The following CEP41 variants were observed in gnomAD, a reference collection of about 807,000 sequenced individuals.
CEP41 encodes the protein centrosomal protein 41, also known as centrosomal protein of 41 kDa.
In CEP41, 32 loss-of-function variants were observed where a neutral mutation model predicts 44.3. That is an observed-to-expected ratio of 0.72 (90% CI 0.54 to 0.97). The LOEUF (loss-of-function observed/expected upper bound fraction) is 0.97. Ranked by LOEUF, CEP41 falls within the 50% of genes least tolerant of loss-of-function variation. The pLI is 0.00. For synonymous variants in CEP41, 151 were observed against 168.5 expected, an observed-to-expected ratio of 0.90 and a Z score of 0.80; for missense variants, 432 against 455.2, an observed-to-expected ratio of 0.95 and a Z score of 0.46.
At position 130,440,720 on chromosome 7, in the gene CEP41, C is replaced by A. The variant is rs935201650; in HGVS notation, c.33+214G>T. The A allele has an allele frequency of 1.6e-4, 98 of 623,136 alleles. No individual in the cohort carries two copies. The Middle Eastern group carries it at 1.7e-3, about 11-fold the overall frequency. The allele number at this position is 623,136 out of a possible 1,614,324, so 38.6% of individuals were successfully genotyped here. A position where few individuals can be genotyped will look rare whatever the true frequency, so the allele number is the denominator to read the frequency against. ...GCAGTCACAAGTACTGGCGTGCGTA[C>A]GCGGGGAGAGATCGCTCCTCAAAAC... On this transcript the variant is annotated intron_variant, in intron 1 of 10. Transcript: ENST00000223208.
chr7:130,401,972 G>A (rs1554417042), intron 7 of CEP41, 24 bp from the exon 8 acceptor site: 7 of 1,556,954 alleles, frequency 4.5e-6, no homozygotes, highest in Non-Finnish European at 5.3e-6. Context: ...AAAAAGTTTA[G>A]GAAGTCTGTT....
At chr7:130,419,441 T>A (rs782294995) in intron 2 of CEP41, 114 of 985,168 alleles carry the variant, frequency 1.2e-4, no homozygotes, top group Non-Finnish European at 1.3e-4. Context: ...TCTTACTGTA[T>A]CTAATTGCAT....
intron 2 of CEP41, chr7:130,421,974 A>C: frequency 6.5e-7 from 1 of 1,536,014 alleles, no homozygotes; most frequent in South Asian, 1.2e-5. Context: ...ACAGTCTGGC[A>C]GTGCTGGGGA....
upstream of CEP41, among the ~76,000 whole-genome samples, chr7:130,441,543 G>GTAA (rs1160645020): frequency 6.6e-6 from 1 of 152,224 alleles, no homozygotes; most frequent in Non-Finnish European, 1.5e-5. Context: ...GGTAAATACA[G>GTAA]TAATTATCGG....
chr7:130,440,349 C>T (rs1798110292), intron 1 of CEP41, among the ~76,000 whole-genome samples: 2 of 152,234 alleles, frequency 1.3e-5, no homozygotes, highest in South Asian at 4.1e-4. Context: ...GGGCAGAGGC[C>T]TTGTCTTCTT....
rs782691714 is a variant in CEP41 at position 130,398,850 on chromosome 7, A to G, written c.*41T>C. ...CTTGGGAAATGCTCAGGGGTTCTGA[A>G]AAGAGGAAGAACATTTATTTGCCTA... On this transcript the variant is annotated 3_prime_UTR_variant, in exon 11 of 11. Transcript: ENST00000223208. The G allele has an allele frequency of 6.2e-7, 1 of 1,612,538 alleles. No individual in the cohort carries two copies. The highest frequency in any genetic ancestry group is 1.1e-5 in the South Asian group (1 of 91,050).
In CEP41 at chr7:130,402,742, C is replaced by T; in HGVS notation, c.480G>A (p.Glu160=). ...GATAAGGTTTGTCTTTGGTATGGGG[C>T]TCTGCTTTCTTCACTGGCCCTTTGT... ...DLDKGPVKKA[E]PHTKDKPYPD... The change falls in exon 7 of 11, where the codon GAG becomes GAA. Residue 160 remains glutamate, a synonymous_variant. Transcript: ENST00000223208. The T allele has an allele frequency of 6.2e-7, 1 of 1,614,154 alleles. No homozygotes were observed.
At chr7:130,435,266 A>G (rs954255650) in intron 1 of CEP41, among the ~76,000 whole-genome samples, 3 of 152,196 alleles carry the variant, frequency 2.0e-5, no homozygotes, top group Non-Finnish European at 4.4e-5. Flanking sequence ...TTAAAAGTAT[A>G]GAATTAAAAA....
Position 130,397,703 on chromosome 7 carries a change from CTCT to C in CEP41, c.*1185_*1187del, listed in dbSNP as rs1361679867. The C allele has an allele frequency of 1.8e-5, 8 of 454,146 alleles. No individual in the cohort carries two copies. The highest frequency in any genetic ancestry group is 1.6e-4 in the African/African-American group (8 of 49,930). 28.1% of individuals were successfully genotyped at this position (454,146 alleles called of 1,614,324 possible). ...TCACAGACCATAAAAATTAACACCG[CTCT>C]TTTCCATCTGATTTCAGAGTTCCTC... On this transcript the variant is annotated 3_prime_UTR_variant, in exon 11 of 11. Transcript: ENST00000223208.
chr7:130,439,724 AAC>A (rs1239488977), intron 1 of CEP41, among the ~76,000 whole-genome samples: 2 of 152,146 alleles, frequency 1.3e-5, no homozygotes, highest in Admixed American at 1.3e-4. Context: ...CAAGAGATGA[AAC>A]AGTTACAACT....
At chr7:130,437,039 AAAAC>A (rs1241881174) in intron 1 of CEP41, among the ~76,000 whole-genome samples, 6 of 152,258 alleles carry the variant, frequency 3.9e-5, no homozygotes, top group South Asian at 2.1e-4. Context: ...AGTTTATCTC[AAAAC>A]AAACAAACAA....
intron 7 of CEP41, 38 bp downstream of exon 7, chr7:130,402,610 C>T (rs1796884872): frequency 2.5e-6 from 4 of 1,612,084 alleles, no homozygotes; most frequent in Non-Finnish European, 3.4e-6. Flanking sequence ...GCTCTCTGTT[C>T]TTGAGAGTGA....
chr7:130,441,714 A>G (rs1384986910), upstream of CEP41, among the ~76,000 whole-genome samples: 4 of 152,226 alleles, frequency 2.6e-5, no homozygotes, highest in African/African-American at 9.6e-5. Context: ...CTAGGACCCA[A>G]TCCCGTCGTC....
rs1554413504 is a variant in CEP41, at chr7:130,394,109, G to C, written c.*4782C>G. The C allele has an allele frequency of 2.2e-6, 1 of 454,084 alleles. No homozygotes were observed. The highest frequency in any genetic ancestry group is 4.4e-6 in the Non-Finnish European group (1 of 226,788). The allele number at this position is 454,084 out of a possible 1,614,324, so 28.1% of individuals were successfully genotyped here. A position where few individuals can be genotyped will look rare whatever the true frequency, so the allele number is the denominator to read the frequency against. On this transcript the variant is annotated 3_prime_UTR_variant, in exon 11 of 11. Coordinates refer to ENST00000223208, the MANE Select transcript of CEP41 (RefSeq NM_018718.3). ...AAGGGAAGCCAATAGCGAAGGGAAA[G>C]GTACATTTTCACGGTAAGTTAGAGG... is the stretch of plus-strand genomic sequence containing the variant.
At chr7:130,417,256 G>A in intron 2 of CEP41, 1 of 1,205,386 alleles carries the variant, frequency 8.3e-7, no homozygotes, top group Non-Finnish European at 1.0e-6. Context: ...CTATCAGTTT[G>A]TTTTTCAAGT....
Position 130,419,254 on chromosome 7 carries a change from T to C in CEP41, c.98-2288A>G, listed in dbSNP as rs529816144. 207 of 985,366 alleles carry C rather than the reference T, an allele frequency of 2.1e-4. 4 individuals carry two copies. In the South Asian group the frequency reaches 8.5e-3, roughly 40 times the overall value. 61.0% of individuals were successfully genotyped at this position (985,366 alleles called of 1,614,324 possible). A position where few individuals can be genotyped will look rare whatever the true frequency, so the allele number is the denominator to read the frequency against. On this transcript the variant is annotated intron_variant, in intron 2 of 10. Coordinates refer to ENST00000223208, the MANE Select transcript of CEP41 (RefSeq NM_018718.3). ...GAGTTCTTTTCACTATAGACATTCA[T>C]TCTATCCAAGAATGGGGAAAAAAGG...
chr7:130,441,165 GCC>G, upstream of CEP41: 1 of 709,706 alleles, frequency 1.4e-6, no homozygotes, highest in South Asian at 1.5e-5. Context: ...CTCAATGGTT[GCC>G]AAGGGCAACG....
chr7:130,438,265 T>C (rs931116722), intron 1 of CEP41, among the ~76,000 whole-genome samples: 10 of 152,152 alleles, frequency 6.6e-5, no homozygotes, highest in Non-Finnish European at 1.5e-4. Flanking sequence ...TCTATCAAAA[T>C]AGTAACTATT....
intron 1 of CEP41, among the ~76,000 whole-genome samples, chr7:130,437,068 T>C (rs918032821): frequency 6.6e-6 from 1 of 151,758 alleles, no homozygotes; most frequent in Non-Finnish European, 1.5e-5. Context: ...ATTAAAAACA[T>C]GATGGCAGAA....
Sources: allele counts gnomAD v4.1 joint callset (sites outside exome capture counted in the v4.1 genomes callset), GRCh38; gene constraint gnomAD v4.1.1; transcripts MANE v1.5; gene names NCBI Gene and HGNC (gene_info 2026-07-23, HGNC 2026-07-21).